The following GLIS1 variants were observed in gnomAD, a reference collection of about 807,000 sequenced individuals.
GLIS1 encodes GLIS family zinc finger 1.
In GLIS1, 24 loss-of-function variants were observed where a neutral mutation model predicts 63.8. The ratio of observed to expected loss-of-function variants is 0.38; its 90% CI spans 0.27 to 0.53. The LOEUF (loss-of-function observed/expected upper bound fraction) is 0.53. Ranked by LOEUF, GLIS1 falls within the 20% of genes least tolerant of loss-of-function variation. The probability of loss-of-function intolerance (pLI) is 0.85; values close to 1 mark genes in which losing one functional copy is unlikely to be tolerated. For synonymous variants in GLIS1, 450 were observed against 482.5 expected (o/e 0.93, Z 0.88); for missense variants, 1,036 against 1,074.1 (o/e 0.96, Z 0.50).
intron 10 of GLIS1, 143 bp downstream of exon 10, chr1:53,508,977 G>T: frequency 2.5e-6 from 2 of 800,232 alleles, no homozygotes; most frequent in Non-Finnish European, 3.8e-6. Context: ...ACCTCTCTGA[G>T]CCTCTACTTC....
intron 4 of GLIS1, among the ~76,000 whole-genome samples, chr1:53,558,918 C>G (rs1262083781): frequency 1.3e-5 from 2 of 152,224 alleles, no homozygotes; most frequent in Non-Finnish European, 2.9e-5. Context: ...AAACACCTGC[C>G]TCCTGTGATC....
rs547922683 is a variant in GLIS1 at position 53,600,696 on chromosome 1, C to T, written c.260-418G>A. On this transcript the variant is annotated intron_variant, in intron 2 of 10. Coordinates refer to ENST00000628545, the MANE Select transcript of GLIS1 (RefSeq NM_001367484.1). The stretch of plus-strand genomic sequence containing the variant: ...ACACCAGCTGGGGCAGGTGGCTGCT[C>T]AGCTGCGCTGCTGCCCACAGGCTGG... Among the ~76,000 whole-genome samples the T allele has an allele frequency of 3.1e-3, 467 of 152,318 alleles. 4 individuals are homozygous for T. The highest frequency in any genetic ancestry group is 0.01 in the African/African-American group (420 of 41,566).
chr1:53,622,962 T>C (rs1037515826), intron 2 of GLIS1, among the ~76,000 whole-genome samples: 2 of 152,252 alleles, frequency 1.3e-5, no homozygotes, highest in African/African-American at 4.8e-5. Flanking sequence ...TTTTAAAGCA[T>C]TCTTTTGCTA....
chr1:53,651,521 G>A (rs989720060), intron 2 of GLIS1, among the ~76,000 whole-genome samples: 1 of 152,128 alleles, frequency 6.6e-6, no homozygotes, highest in Non-Finnish European at 1.5e-5. Context: ...GGTCTGGGGG[G>A]GCGACTGCCT....
At chr1:53,720,910 A>T (rs1235156798) in intron 2 of GLIS1, among the ~76,000 whole-genome samples, 1 of 151,962 alleles carries the variant, frequency 6.6e-6, no homozygotes, top group African/African-American at 2.4e-5. Context: ...AGGTGGGAGG[A>T]TTACTTGAGC....
At chr1:53,586,523 A>G (rs1645136894) in intron 4 of GLIS1, among the ~76,000 whole-genome samples, 1 of 152,236 alleles carries the variant, frequency 6.6e-6, no homozygotes, top group South Asian at 2.1e-4. Context: ...CAAACTGTCC[A>G]GAACGGCCAG....
chr1:53,710,199 TG>T (rs1388198752), intron 2 of GLIS1, among the ~76,000 whole-genome samples: 4 of 152,300 alleles, frequency 2.6e-5, no homozygotes, highest in African/African-American at 7.2e-5. Context: ...TCTCCATCTC[TG>T]GGGGGCTTTC....
intron 2 of GLIS1, among the ~76,000 whole-genome samples, chr1:53,676,253 A>G (rs1646211453): frequency 6.6e-6 from 1 of 152,332 alleles, no homozygotes; most frequent in South Asian, 2.1e-4. Flanking sequence ...GGGTGGGGAC[A>G]AGGAAAGACT....
chr1:53,594,095 G>A lies in GLIS1; in HGVS notation c.1320+13C>T, dbSNP rs1409597828. The A allele has an allele frequency of 5.0e-6, 8 of 1,594,334 alleles. No individual in the cohort carries two copies. Among genetic ancestry groups the A allele is most frequent in the South Asian group, 3.4e-5 (3 of 88,696 alleles). ...GGGGCTGGGGTGAGGCCTGGCGGCC[G>A]GTGGGAACTCACCATGCACTTGTTG... On this transcript the variant is annotated intron_variant, in intron 4 of 10. Transcript: ENST00000628545.
At chr1:53,737,617 T>G (rs189551793) in intron 2 of GLIS1, among the ~76,000 whole-genome samples, 189 bp downstream of exon 2, 1 of 152,246 alleles carries the variant, frequency 6.6e-6, no homozygotes, top group Non-Finnish European at 1.5e-5. Flanking sequence ...ACGGGGCTAA[T>G]TGAATTTAAA....
At chr1:53,569,486 T>TTTA (rs1553124732) in intron 4 of GLIS1, among the ~76,000 whole-genome samples, 1 of 151,490 alleles carries the variant, frequency 6.6e-6, no homozygotes, top group Non-Finnish European at 1.5e-5. Context: ...TTTTTTTTTT[T>TTTA]AAAAAAGCCT....
At chr1:53,557,163 C>T (rs1644843344) in intron 4 of GLIS1, among the ~76,000 whole-genome samples, 1 of 152,118 alleles carries the variant, frequency 6.6e-6, no homozygotes, top group Admixed American at 6.5e-5. Context: ...CCTCCCGAAA[C>T]ACCAGAATGA....
intron 2 of GLIS1, among the ~76,000 whole-genome samples, chr1:53,675,981 G>A (rs1008417474): frequency 5.3e-5 from 8 of 151,754 alleles, no homozygotes; most frequent in Non-Finnish European, 8.8e-5. Flanking sequence ...CCAGGCAAAA[G>A]CAGGAGGGGG....
intron 4 of GLIS1, among the ~76,000 whole-genome samples, chr1:53,577,845 C>T (rs934387558): frequency 2.0e-5 from 3 of 152,074 alleles, no homozygotes; most frequent in African/African-American, 2.4e-5. Flanking sequence ...AACTAAGGAA[C>T]CTGGCAGGTA....
chr1:53,523,573 G>T (rs931211084), intron 6 of GLIS1, among the ~76,000 whole-genome samples: 1 of 152,124 alleles, frequency 6.6e-6, no homozygotes, highest in East Asian at 1.9e-4. Flanking sequence ...GTGTCCCTGA[G>T]TTGGCCCCTG....
intron 2 of GLIS1, among the ~76,000 whole-genome samples, chr1:53,669,406 G>A (rs956358287): frequency 3.3e-5 from 5 of 152,304 alleles, no homozygotes; most frequent in African/African-American, 7.2e-5. Flanking sequence ...TGTGGTCAGC[G>A]AGGGAGAAAT....
intron 4 of GLIS1, among the ~76,000 whole-genome samples, chr1:53,534,009 G>A (rs1644557753): frequency 6.6e-6 from 1 of 152,112 alleles, no homozygotes; most frequent in Non-Finnish European, 1.5e-5. Flanking sequence ...GGACCCTGGT[G>A]TAGACCCAGC....
intron 4 of GLIS1, among the ~76,000 whole-genome samples, chr1:53,570,657 C>G (rs1187382915): frequency 1.3e-5 from 2 of 152,132 alleles, no homozygotes; most frequent in Non-Finnish European, 2.9e-5. Flanking sequence ...CATAGATATA[C>G]AGAGTCTCTG....
At chr1:53,562,654 C>G (rs188071251) in intron 4 of GLIS1, among the ~76,000 whole-genome samples, 91 of 152,256 alleles carry the variant, frequency 6.0e-4, no homozygotes, top group Non-Finnish European at 1.9e-4. Context: ...TGGTACACCT[C>G]CAGATATTCT....
Sources: gnomAD v4.1 joint callset for allele counts (sites outside exome capture counted in the v4.1 genomes callset) on GRCh38, gnomAD v4.1.1 for gene constraint, MANE v1.5 for transcripts, NCBI Gene and HGNC (gene_info 2026-07-23, HGNC 2026-07-21) for gene names.